Variants in RNF115 observed in about 807,000 individuals in gnomAD.
RNF115 encodes ring finger protein 115.
A neutral mutation model predicts 39.2 loss-of-function variants in RNF115; 31 were observed. That is an observed-to-expected ratio of 0.79 (90% CI 0.59 to 1.07). The LOEUF (loss-of-function observed/expected upper bound fraction) is 1.07, where lower values mean the gene tolerates loss of function less well. Ranked by LOEUF, RNF115 falls within the 50% of genes least tolerant of loss-of-function variation. RNF115 has a pLI of 0.00. For synonymous variants in RNF115, 124 were observed against 131.0 expected (o/e 0.95, Z 0.37); for missense variants, 384 against 381.7 (o/e 1.01, Z -0.05).
Position 145,824,003 on chromosome 1 carries a change from T to C in RNF115, c.-130A>G, listed in dbSNP as rs1326500554. 1.6e-6 allele frequency: 1 copy of C among 634,324 alleles called. No individual in the cohort carries two copies. The highest frequency in any genetic ancestry group is 3.5e-5 in the East Asian group (1 of 28,402). 39.3% of individuals were successfully genotyped at this position (634,324 alleles called of 1,614,324 possible). A position where few individuals can be genotyped will look rare whatever the true frequency, so the allele number is the denominator to read the frequency against. The stretch of plus-strand genomic sequence containing the variant: ...CCCACCGCTTCAGAGCCCGCGTCGG[T>C]CACGTGAGTTGGCCAGGCCCAGAAA... On this transcript the variant is annotated 5_prime_UTR_variant, in exon 1 of 9. Transcript: ENST00000582693.
intron 1 of RNF115, among the ~76,000 whole-genome samples, chr1:145,803,690 CT>C (rs782426974): frequency 6.5e-4 from 99 of 152,152 alleles, no homozygotes; most frequent in Non-Finnish European, 1.2e-3. Flanking sequence ...ACCCAGCCAC[CT>C]TTATCATTTT....
intron 3 of RNF115, among the ~76,000 whole-genome samples, chr1:145,779,266 C>T (rs1353775217): frequency 6.6e-6 from 1 of 151,958 alleles, no homozygotes; most frequent in Admixed American, 6.6e-5. Flanking sequence ...CCTCTGCCTC[C>T]CAGGCTCAAG....
At chr1:145,796,846 T>C (rs1199355788) in intron 1 of RNF115, among the ~76,000 whole-genome samples, 2 of 151,950 alleles carry the variant, frequency 1.3e-5, no homozygotes, top group Non-Finnish European at 2.9e-5. Context: ...ACCACCATTC[T>C]ACCTCTGTTT....
Position 145,823,922 on chromosome 1 carries a change from G to T in RNF115, c.-49C>A. On this transcript the variant is annotated 5_prime_UTR_variant, in exon 1 of 9. Coordinates refer to ENST00000582693, the MANE Select transcript of RNF115 (RefSeq NM_014455.4). The stretch of plus-strand genomic sequence containing the variant: ...CGAGAGGGCAGCCGGCCCGTCCCTC[G>T]CCAGGCCGCTACCTCCCGAGCTGCA... 7.4e-7 allele frequency: 1 copy of T among 1,347,222 alleles called. No homozygotes were observed. Among genetic ancestry groups the T allele is most frequent in the East Asian group, 3.0e-5 (1 of 33,174 alleles). 83.5% of individuals were successfully genotyped at this position (1,347,222 alleles called of 1,614,324 possible). A position where few individuals can be genotyped will look rare whatever the true frequency, so the allele number is the denominator to read the frequency against.
intron 4 of RNF115, among the ~76,000 whole-genome samples, chr1:145,760,409 C>A (rs1403995387): frequency 6.6e-6 from 1 of 152,168 alleles, no homozygotes; most frequent in Non-Finnish European, 1.5e-5. Flanking sequence ...TGTGTCTCCA[C>A]CCAAATCTCA....
At chr1:145,779,828 A>G (rs1648044821) in intron 3 of RNF115, among the ~76,000 whole-genome samples, 1 of 151,978 alleles carries the variant, frequency 6.6e-6, no homozygotes, top group South Asian at 2.1e-4. Flanking sequence ...ACACCTGGCT[A>G]ATTTTTGTAT....
At position 145,820,612 on chromosome 1, in the gene RNF115, T is replaced by C. The variant is rs191643396; in HGVS notation, c.102+3160A>G. On this transcript the variant is annotated intron_variant, in intron 1 of 8. Transcript: ENST00000582693. ...TTAGCTGGGCATGGTGGCACGTGCCTGTAGTCCCCACTACTTGGGAGGCCG... is the reference window on the plus strand; with the variant it reads ...TTAGCTGGGCATGGTGGCACGTGCCCGTAGTCCCCACTACTTGGGAGGCCG... 5.3e-3 allele frequency among the ~76,000 whole-genome samples: 807 copies of C among 152,226 alleles called. 11 individuals carry two copies. The highest frequency in any genetic ancestry group is 0.019 in the African/African-American group (770 of 41,556).
intron 4 of RNF115, among the ~76,000 whole-genome samples, chr1:145,757,314 A>G (rs1658339181): frequency 6.6e-6 from 1 of 152,256 alleles, no homozygotes; most frequent in Admixed American, 6.5e-5. Flanking sequence ...AATTCTACCC[A>G]TTACAAGTGG....
intron 1 of RNF115, among the ~76,000 whole-genome samples, chr1:145,798,361 T>C (rs1553720396): frequency 1.3e-5 from 2 of 152,202 alleles, no homozygotes; most frequent in African/African-American, 4.8e-5. Context: ...GTGTAAAATA[T>C]GAGTCCAAAT....
At chr1:145,747,224 A>G (rs1280467225) in intron 8 of RNF115, among the ~76,000 whole-genome samples, 2 of 152,222 alleles carry the variant, frequency 1.3e-5, no homozygotes, top group Non-Finnish European at 2.9e-5. Context: ...CTAGGCCAGC[A>G]AGTTAATAAC....
intron 3 of RNF115, chr1:145,773,355 T>C (rs1553716043): frequency 1.3e-5 from 2 of 152,044 alleles, no homozygotes; most frequent in African/African-American, 4.8e-5. Context: ...CAGTGGTGTG[T>C]GCCTGTAATT....
chr1:145,746,606 G>A lies in RNF115; in HGVS notation c.*260C>T, dbSNP rs1553711783. The A allele has an allele frequency of 7.7e-6, 3 of 389,266 alleles. No homozygotes were observed. Among genetic ancestry groups the A allele is most frequent in the Non-Finnish European group, 1.4e-5 (3 of 215,340 alleles). 24.1% of individuals were successfully genotyped at this position (389,266 alleles called of 1,614,324 possible). A position where few individuals can be genotyped will look rare whatever the true frequency, so the allele number is the denominator to read the frequency against. On this transcript the variant is annotated 3_prime_UTR_variant, in exon 9 of 9. Transcript: ENST00000582693. Reference sequence around the variant, plus strand: ...TTAAGGAATTAATTCTATTCAGACGGGGGGAGCCCTACATAATTAAGTTTC... The same window carrying A: ...TTAAGGAATTAATTCTATTCAGACGAGGGGAGCCCTACATAATTAAGTTTC...
intron 3 of RNF115, among the ~76,000 whole-genome samples, chr1:145,775,728 C>G (rs1469695800): frequency 6.6e-6 from 1 of 152,186 alleles, no homozygotes; most frequent in East Asian, 1.9e-4. Context: ...CGCAGTAGCT[C>G]AAGCCTATAA....
At chr1:145,749,861 C>T (rs894341816) in intron 7 of RNF115, among the ~76,000 whole-genome samples, 1 of 152,204 alleles carries the variant, frequency 6.6e-6, no homozygotes, top group Non-Finnish European at 1.5e-5. Context: ...TAACTCTAAA[C>T]CCGAACTGAT....
intron 1 of RNF115, among the ~76,000 whole-genome samples, chr1:145,812,793 AT>A (rs1253985960): frequency 2.6e-5 from 4 of 151,388 alleles, no homozygotes; most frequent in East Asian, 1.9e-4. Context: ...TCTTTTTTTA[AT>A]TTTTTTTTAA....
intron 4 of RNF115, among the ~76,000 whole-genome samples, chr1:145,769,226 TA>T (rs1647526926): frequency 6.6e-6 from 1 of 152,202 alleles, no homozygotes; most frequent in Non-Finnish European, 1.5e-5. Context: ...ACAATTTACC[TA>T]AACTCTCTGT....
chr1:145,797,173 A>G (rs1368670502), intron 1 of RNF115, among the ~76,000 whole-genome samples: 2 of 151,766 alleles, frequency 1.3e-5, no homozygotes, highest in Non-Finnish European at 2.9e-5. Flanking sequence ...CCTAATTCCT[A>G]TTTTCCTGCA....
In RNF115 at chr1:145,773,051, C is replaced by T. The variant is rs371062148; in HGVS notation, c.220-1132G>A. ...CAGCTCCAAAATTTCTCTTTGCCTACTTTTAAAAATTTCTCTTTATTGATA... is the reference window on the plus strand; with the variant it reads ...CAGCTCCAAAATTTCTCTTTGCCTATTTTTAAAAATTTCTCTTTATTGATA... On this transcript the variant is annotated intron_variant, in intron 3 of 8. Coordinates refer to ENST00000582693, the MANE Select transcript of RNF115 (RefSeq NM_014455.4). The T allele has an allele frequency of 5.9e-5, 9 of 152,252 alleles. No individual in the cohort carries two copies. In the East Asian group the frequency reaches 1.7e-3, roughly 29 times the overall value. 9.4% of individuals were successfully genotyped at this position (152,252 alleles called of 1,614,324 possible).
chr1:145,802,304 C>G (rs1553720977), intron 1 of RNF115, among the ~76,000 whole-genome samples: 1 of 152,086 alleles, frequency 6.6e-6, no homozygotes, highest in African/African-American at 2.4e-5. Context: ...AGCCCTGATG[C>G]TTACCCACTT....
Sources: gnomAD v4.1 joint callset for allele counts (sites outside exome capture counted in the v4.1 genomes callset) on GRCh38, gnomAD v4.1.1 for gene constraint, MANE v1.5 for transcripts, NCBI Gene and HGNC (gene_info 2026-07-23, HGNC 2026-07-21) for gene names.